Variants in CLMN observed in about 807,000 individuals in gnomAD.
CLMN encodes the protein calmin, also known as calmin (calponin-like, transmembrane).
CLMN carries 57 observed loss-of-function variants against 92.7 expected under a neutral mutation model. That is an observed-to-expected ratio of 0.61 (90% CI 0.50 to 0.77). The LOEUF (loss-of-function observed/expected upper bound fraction) is 0.77. CLMN is among the 30% of genes least tolerant of loss of function. The probability of loss-of-function intolerance (pLI) is 0.00; values close to 1 mark genes in which losing one functional copy is unlikely to be tolerated. For synonymous variants in CLMN, 466 were observed against 470.6 expected (o/e 0.99, Z 0.13); for missense variants, 1,158 against 1,237.5 (o/e 0.94, Z 0.96).
intron 1 of CLMN, among the ~76,000 whole-genome samples, chr14:95,275,682 G>A (rs902651480): frequency 6.6e-6 from 1 of 152,170 alleles, no homozygotes; most frequent in South Asian, 2.1e-4. Context: ...CTTTCTTTCT[G>A]AAACAGTTTC....
At position 95,213,539 on chromosome 14, in the gene CLMN, G is replaced by T. The variant is rs1404902514; in HGVS notation, c.418-130C>A. Reference sequence around the variant, plus strand: ...AGGCAGGATTGCTTCTCTGAATGCAGAGAAACCCTTTCTGATGGCTGTGGC... The same window carrying T: ...AGGCAGGATTGCTTCTCTGAATGCATAGAAACCCTTTCTGATGGCTGTGGC... On this transcript the variant is annotated intron_variant, in intron 5 of 12. Transcript: ENST00000298912. 3 of 783,374 alleles carry T rather than the reference G, an allele frequency of 3.8e-6. No homozygotes were observed. In the Admixed American group the frequency reaches 9.1e-5, roughly 24 times the overall value. The allele number at this position is 783,374 out of a possible 1,614,324, so 48.5% of individuals were successfully genotyped here. A position where few individuals can be genotyped will look rare whatever the true frequency, so the allele number is the denominator to read the frequency against.
Position 95,293,164 on chromosome 14 carries a change from TCTC to T in CLMN, c.82+26544_82+26546del, listed in dbSNP as rs1900647618. ...CCCTCCCTTCTTCCCTCCTTCCCTC[TCTC>T]CTTCCTTCCCTCCCTCCCTCCTTCT... On this transcript the variant is annotated intron_variant, in intron 1 of 12. Transcript: ENST00000298912. Among the ~76,000 whole-genome samples, 11 of 61,290 alleles carry T rather than the reference TCTC, an allele frequency of 1.8e-4. 1 individual carries two copies. The South Asian group carries it at 8.6e-3, about 48-fold the overall frequency. 40.2% of individuals were successfully genotyped at this position (61,290 alleles called of 152,430 possible).
At chr14:95,254,186 G>T (rs1362333830) in intron 1 of CLMN, among the ~76,000 whole-genome samples, 1 of 152,164 alleles carries the variant, frequency 6.6e-6, no homozygotes, top group Non-Finnish European at 1.5e-5. Context: ...TCGTGCAGTT[G>T]TGAGGATGAT....
chr14:95,283,781 T>C (rs1021346382), intron 1 of CLMN, among the ~76,000 whole-genome samples: 22 of 152,208 alleles, frequency 1.4e-4, no homozygotes, highest in African/African-American at 5.3e-4. Flanking sequence ...TTGGGCACTG[T>C]TAAAGGCATT....
chr14:95,288,995 T>A (rs543193936), intron 1 of CLMN, among the ~76,000 whole-genome samples: 4 of 152,278 alleles, frequency 2.6e-5, no homozygotes, highest in Admixed American at 1.3e-4. Flanking sequence ...ACAATCAACA[T>A]TCAGCATGGT....
intron 1 of CLMN, among the ~76,000 whole-genome samples, chr14:95,297,768 C>T (rs958473450): frequency 3.3e-5 from 5 of 151,034 alleles, no homozygotes; most frequent in African/African-American, 4.9e-5. Context: ...AGTACAGGGA[C>T]GTTTGGACTG....
chr14:95,208,634 G>A (rs76397336), intron 8 of CLMN, among the ~76,000 whole-genome samples: 8,510 of 152,254 alleles, frequency 0.056, 351 homozygotes, highest in African/African-American at 0.11. Context: ...TGTGACAGGC[G>A]TCAGTTTCCA....
rs1349271605 is a variant in CLMN, at chr14:95,189,440, GC to G, written c.*2123del. 6.6e-6 allele frequency: 1 copy of G among 152,176 alleles called. No individual in the cohort carries two copies. The highest frequency in any genetic ancestry group is 2.4e-5 in the African/African-American group (1 of 41,442). 9.4% of individuals were successfully genotyped at this position (152,176 alleles called of 1,614,324 possible). A position where few individuals can be genotyped will look rare whatever the true frequency, so the allele number is the denominator to read the frequency against. On this transcript the variant is annotated 3_prime_UTR_variant, in exon 13 of 13. Coordinates refer to ENST00000298912, the MANE Select transcript of CLMN (RefSeq NM_024734.4). ...TCTATATCCAGCTTCTTCCATAGAA[GC>G]CTATACTCAAATGAGATTTTTTTTT... is the stretch of plus-strand genomic sequence containing the variant.
In CLMN at chr14:95,203,329, C is replaced by A; in HGVS notation, c.2020G>T (p.Gly674Ter). 1 of 1,614,062 alleles carries A rather than the reference C, an allele frequency of 6.2e-7. No homozygotes were observed. Among genetic ancestry groups the A allele is most frequent in the Middle Eastern group, 1.6e-4 (1 of 6,062 alleles). ...ACACCCTGGAGGTCATCGTCTTCTC[C>A]CTCTTCCTCATAATGAGGACGGGTG... ...KSTRPHYEEE[G>*]EDDDLQGVGE... Residue 674 changes from glycine (G) to a stop codon, truncating the protein, a stop_gained, in exon 9 of 13, where the codon GGA (glycine) becomes TGA (stop). Coordinates refer to ENST00000298912, the MANE Select transcript of CLMN (RefSeq NM_024734.4). LOFTEE classifies it high-confidence loss of function.
chr14:95,295,370 T>C (rs1047735071), intron 1 of CLMN, among the ~76,000 whole-genome samples: 4 of 152,188 alleles, frequency 2.6e-5, no homozygotes, highest in African/African-American at 9.6e-5. Flanking sequence ...ATGCCAGGCA[T>C]TGTGCCAGCT....
chr14:95,284,000 C>T (rs1438862258), intron 1 of CLMN, among the ~76,000 whole-genome samples: 1 of 152,220 alleles, frequency 6.6e-6, no homozygotes, highest in Non-Finnish European at 1.5e-5. Flanking sequence ...CCTCCCATCA[C>T]AGCCCCAGAG....
chr14:95,291,500 C>T (rs1253316663), intron 1 of CLMN, among the ~76,000 whole-genome samples: 2 of 152,196 alleles, frequency 1.3e-5, no homozygotes, highest in African/African-American at 2.4e-5. Flanking sequence ...GTTGCAGGTG[C>T]GGCTGGGGAT....
intron 1 of CLMN, among the ~76,000 whole-genome samples, chr14:95,236,742 G>A (rs1285057777): frequency 6.6e-6 from 1 of 152,234 alleles, no homozygotes; most frequent in Non-Finnish European, 1.5e-5. Flanking sequence ...GCCCCTCTGA[G>A]TGACCTTGGA....
chr14:95,256,204 CCCAA>C lies in CLMN; in HGVS notation c.83-26075_83-26072del, dbSNP rs562217494. Reference sequence around the variant, plus strand: ...CCACACTGTCCTCGCCACGGGCACACCCAACCGAGGCCCGCCACCCACTCCTCGG... The same window carrying C: ...CCACACTGTCCTCGCCACGGGCACACCCGAGGCCCGCCACCCACTCCTCGG... On this transcript the variant is annotated intron_variant, in intron 1 of 12. Coordinates refer to ENST00000298912, the MANE Select transcript of CLMN (RefSeq NM_024734.4). This position sits in a 1 kb window ranked among gnomAD's most constrained non-coding sequence, Gnocchi z 4.9. Among the ~76,000 whole-genome samples, 34 of 152,332 alleles carry C rather than the reference CCCAA, an allele frequency of 2.2e-4. No individual in the cohort carries two copies. Among genetic ancestry groups the C allele is most frequent in the Admixed American group, 5.9e-4 (9 of 15,306 alleles).
chr14:95,236,748 T>C (rs1319470722), intron 1 of CLMN, among the ~76,000 whole-genome samples: 2 of 152,244 alleles, frequency 1.3e-5, no homozygotes, highest in East Asian at 3.9e-4. Context: ...CTGAGTGACC[T>C]TGGACAATGT....
rs752523922 is a variant in CLMN at position 95,203,582 on chromosome 14, T to C, written c.1767A>G (p.Thr589=). ...AAGCCTCAGCATCCTCGTCAGGTTT[T>C]GTCTCATGAGGTGAAGGAACTTTGT... ...AFNKVPSPHE[T]KPDEDAEAFE... is the part of the protein sequence containing the mutation. The change falls in exon 9 of 13, where the codon ACA becomes ACG. Residue 589 remains threonine, a synonymous_variant. Transcript: ENST00000298912. 6.2e-7 allele frequency: 1 copy of C among 1,614,212 alleles called. No individual in the cohort carries two copies. Among genetic ancestry groups the C allele is most frequent in the Non-Finnish European group, 8.5e-7 (1 of 1,180,030 alleles).
chr14:95,254,747 G>A (rs1006415966), intron 1 of CLMN, among the ~76,000 whole-genome samples: 7 of 152,162 alleles, frequency 4.6e-5, no homozygotes, highest in Non-Finnish European at 7.3e-5. Flanking sequence ...ACCCAGGCTG[G>A]AGTGCAGTGG....
chr14:95,226,150 G>C (rs1436212341), intron 2 of CLMN, among the ~76,000 whole-genome samples: 1 of 152,152 alleles, frequency 6.6e-6, no homozygotes, highest in East Asian at 1.9e-4. Context: ...ATCGGTTCCA[G>C]GACTTCCCTC....
intron 1 of CLMN, among the ~76,000 whole-genome samples, chr14:95,260,009 G>T (rs1225523861): frequency 6.6e-6 from 1 of 152,120 alleles, no homozygotes; most frequent in African/African-American, 2.4e-5. Context: ...CTAAGATAGG[G>T]GTGGCACTTC....
Sources: allele counts gnomAD v4.1 joint callset (sites outside exome capture counted in the v4.1 genomes callset), GRCh38; gene constraint gnomAD v4.1.1; non-coding constraint Gnocchi (gnomAD v3.1); transcripts MANE v1.5; gene names NCBI Gene and HGNC (gene_info 2026-07-23, HGNC 2026-07-21).